Variants in FAF1 observed in about 807,000 individuals in gnomAD.
FAF1 encodes Fas associated factor 1.
FAF1 carries 25 observed loss-of-function variants against 92.5 expected under a neutral mutation model. The ratio of observed to expected loss-of-function variants is 0.27; its 90% CI spans 0.20 to 0.38. FAF1 has a LOEUF of 0.38. Ranked by LOEUF, FAF1 falls within the 10% of genes least tolerant of loss-of-function variation. FAF1 has a pLI of 1.00. For missense variants in FAF1, 636 were observed against 793.3 expected (o/e 0.80, Z 2.38); for synonymous variants, 234 against 273.2 (o/e 0.86, Z 1.42).
At chr1:50,570,471 G>A (rs770798646) in intron 12 of FAF1, among the ~76,000 whole-genome samples, 3 of 151,818 alleles carry the variant, frequency 2.0e-5, no homozygotes, top group African/African-American at 4.8e-5. Flanking sequence ...AACAGTTTTC[G>A]TTCCAGGGAC....
rs1651061107 is a variant in FAF1, at chr1:50,583,018, A to AT, written c.1032-320dup. Among the ~76,000 whole-genome samples the AT allele has an allele frequency of 2.6e-5, 4 of 152,060 alleles. No individual in the cohort carries two copies. In the South Asian group the frequency reaches 8.3e-4, roughly 32 times the overall value. On this transcript the variant is annotated intron_variant, in intron 11 of 18. Coordinates refer to ENST00000396153, the MANE Select transcript of FAF1 (RefSeq NM_007051.3). The surrounding 1 kb of genome is among the most constrained non-coding windows in gnomAD (Gnocchi z 4.2). ...TGATTTTACTAGTTACATTAGCCTTATTTTCCCACTTCAGTTCATTTATTC... is the reference window on the plus strand; with the variant it reads ...TGATTTTACTAGTTACATTAGCCTTATTTTTCCCACTTCAGTTCATTTATTC...
chr1:50,488,943 A>G (rs1481574909), intron 17 of FAF1, among the ~76,000 whole-genome samples: 4 of 152,236 alleles, frequency 2.6e-5, no homozygotes, highest in Non-Finnish European at 5.9e-5. Context: ...TCTTGTATAT[A>G]TGTGATAGAT....
At chr1:50,586,306 G>A (rs1375747159) in intron 9 of FAF1, among the ~76,000 whole-genome samples, 1 of 152,124 alleles carries the variant, frequency 6.6e-6, no homozygotes, top group Admixed American at 6.6e-5. Context: ...TTTCTTCCTT[G>A]TATCTGTTGA....
At chr1:50,934,258 C>T (rs1645069579) in intron 1 of FAF1, among the ~76,000 whole-genome samples, 1 of 152,148 alleles carries the variant, frequency 6.6e-6, no homozygotes, top group African/African-American at 2.4e-5. Context: ...TTTACTTCCA[C>T]ATAATTTTTT....
At chr1:50,718,399 T>TG (rs2124449261) in intron 6 of FAF1, among the ~76,000 whole-genome samples, 1 of 152,342 alleles carries the variant, frequency 6.6e-6, no homozygotes, top group African/African-American at 2.4e-5. Flanking sequence ...TAACATTATA[T>TG]GTCCACTGAC....
chr1:50,776,138 T>C (rs1016311751), intron 4 of FAF1, among the ~76,000 whole-genome samples: 4 of 152,150 alleles, frequency 2.6e-5, no homozygotes, highest in Non-Finnish European at 5.9e-5. Flanking sequence ...ATCACAGAAG[T>C]ATATGAAAGA....
intron 4 of FAF1, 130 bp downstream of exon 4, chr1:50,787,870 G>A (rs1661418765): frequency 2.9e-6 from 2 of 678,018 alleles, no homozygotes; most frequent in Non-Finnish European, 5.1e-6. Flanking sequence ...ATCAGTATTG[G>A]AAAGTTACCA....
intron 17 of FAF1, among the ~76,000 whole-genome samples, chr1:50,484,495 C>T (rs1646740582): frequency 6.6e-6 from 1 of 152,018 alleles, no homozygotes; most frequent in African/African-American, 2.4e-5. Flanking sequence ...TATGTATTGG[C>T]ACCTACCTTA....
At chr1:50,729,020 ATCTATCTATC>A (rs1302524484) in intron 6 of FAF1, among the ~76,000 whole-genome samples, 1 of 75,550 alleles carries the variant, frequency 1.3e-5, no homozygotes, top group Non-Finnish European at 2.6e-5. Context: ...CTATCTATCT[ATCTATCTATC>A]TATCTATATA....
Position 50,730,739 on chromosome 1 carries a change from C to T in FAF1, c.551+8124G>A, listed in dbSNP as rs548333997. ...AAATAAGAACTTAGAGGCATCCCTC[C>T]TGCCTAACAGACTAGGCTCCACATT... On this transcript the variant is annotated intron_variant, in intron 6 of 18. Coordinates refer to ENST00000396153, the MANE Select transcript of FAF1 (RefSeq NM_007051.3). 1.5e-4 allele frequency among the ~76,000 whole-genome samples: 23 copies of T among 152,330 alleles called. No individual in the cohort carries two copies. The South Asian group carries it at 4.3e-3, about 29-fold the overall frequency.
chr1:50,891,152 C>A (rs1364809366), intron 1 of FAF1, among the ~76,000 whole-genome samples: 4 of 152,156 alleles, frequency 2.6e-5, no homozygotes, highest in Non-Finnish European at 5.9e-5. Context: ...TTGATGAAAT[C>A]GGCTATTGAA....
In FAF1 at chr1:50,648,870, G is replaced by A. The variant is rs150522672; in HGVS notation, c.744+6572C>T. Among the ~76,000 whole-genome samples the A allele has an allele frequency of 9.9e-3, 1,513 of 152,306 alleles. 23 individuals are homozygous for A. The highest frequency in any genetic ancestry group is 0.034 in the African/African-American group (1,434 of 41,570). On this transcript the variant is annotated intron_variant, in intron 8 of 18. Coordinates refer to ENST00000396153, the MANE Select transcript of FAF1 (RefSeq NM_007051.3). ...GAACCCAGGAGGCGGAGGTTGCGGTGAGCCAAGATCGTGCCATTGCACTCC... is the reference window on the plus strand; with the variant it reads ...GAACCCAGGAGGCGGAGGTTGCGGTAAGCCAAGATCGTGCCATTGCACTCC...
At chr1:50,874,761 T>C (rs1644556868) in intron 1 of FAF1, among the ~76,000 whole-genome samples, 6 of 99,496 alleles carry the variant, frequency 6.0e-5, no homozygotes, top group Non-Finnish European at 1.3e-4. Flanking sequence ...TTTCTTTCTT[T>C]TTTTTTTTTT....
intron 2 of FAF1, among the ~76,000 whole-genome samples, chr1:50,836,318 G>A (rs187880160): frequency 2.5e-4 from 38 of 151,724 alleles, no homozygotes; most frequent in Admixed American, 2.4e-3. Flanking sequence ...ATAATAGCAT[G>A]AGTCACCATG....
chr1:50,720,287 T>G (rs1658354476), intron 6 of FAF1, among the ~76,000 whole-genome samples: 1 of 152,184 alleles, frequency 6.6e-6, no homozygotes, highest in Admixed American at 6.5e-5. Context: ...AAGTGGCCCC[T>G]TATTAAAAAA....
At chr1:50,532,690 A>C (rs964626770) in intron 15 of FAF1, among the ~76,000 whole-genome samples, 2 of 152,240 alleles carry the variant, frequency 1.3e-5, no homozygotes, top group Non-Finnish European at 2.9e-5. Context: ...TTTTATAGCA[A>C]TAGAAGATAC....
intron 1 of FAF1, among the ~76,000 whole-genome samples, chr1:50,874,840 G>A (rs1423223967): frequency 7.3e-6 from 1 of 136,406 alleles, no homozygotes; most frequent in African/African-American, 2.7e-5. Flanking sequence ...TGCAGTCACA[G>A]GTCACTGCAG....
chr1:50,463,863 T>C (rs1646462193), intron 18 of FAF1, among the ~76,000 whole-genome samples: 1 of 152,240 alleles, frequency 6.6e-6, no homozygotes. Flanking sequence ...CAGAAAATTC[T>C]ACCAACAAAA....
intron 7 of FAF1, among the ~76,000 whole-genome samples, chr1:50,675,394 T>C (rs891362106): frequency 6.6e-6 from 1 of 152,162 alleles, no homozygotes; most frequent in Non-Finnish European, 1.5e-5. Context: ...GATGGGCAAA[T>C]GGCATTCAGC....
Sources: gnomAD v4.1 joint callset for allele counts (sites outside exome capture counted in the v4.1 genomes callset) on GRCh38, gnomAD v4.1.1 for gene constraint, Gnocchi (gnomAD v3.1) non-coding constraint, MANE v1.5 for transcripts, NCBI Gene and HGNC (gene_info 2026-07-23, HGNC 2026-07-21) for gene names.